The following PLXDC2 variants were observed in gnomAD, a reference collection of about 807,000 sequenced individuals.
PLXDC2 encodes plexin domain-containing protein 2.
PLXDC2 carries 40 observed loss-of-function variants against 68.9 expected under a neutral mutation model. The observed-to-expected ratio is 0.58, with a 90% confidence interval of 0.45 to 0.76. The LOEUF (loss-of-function observed/expected upper bound fraction) is 0.76. Among genes scored for constraint, PLXDC2 ranks in the 30% least tolerant of loss-of-function variants. PLXDC2 has a pLI of 0.00. For synonymous variants in PLXDC2, 243 were observed against 234.2 expected (o/e 1.04, Z -0.34); for missense variants, 644 against 661.9 (o/e 0.97, Z 0.30).
chr10:19,923,381 G>A (rs752968079), intron 1 of PLXDC2, among the ~76,000 whole-genome samples: 3 of 152,108 alleles, frequency 2.0e-5, no homozygotes, highest in South Asian at 4.1e-4. Context: ...TGAAACATAA[G>A]CACATTTAGA....
At chr10:20,235,379 A>C (rs909527676) in intron 12 of PLXDC2, among the ~76,000 whole-genome samples, 1 of 152,230 alleles carries the variant, frequency 6.6e-6, no homozygotes, top group African/African-American at 2.4e-5. Flanking sequence ...AATAATACTG[A>C]AGATCAATAT....
Position 19,819,031 on chromosome 10 carries a change from TACACAC to T in PLXDC2, c.112+1868_112+1873del, listed in dbSNP as rs63295361. On this transcript the variant is annotated intron_variant, in intron 1 of 13. Coordinates refer to ENST00000377252, the MANE Select transcript of PLXDC2 (RefSeq NM_032812.9). ...CGTTACTGAAAAAAGAATATATGTA[TACACAC>T]ACACACACACACACACACACACACA... Among the ~76,000 whole-genome samples the T allele has an allele frequency of 3.0e-3, 442 of 147,834 alleles. 3 individuals are homozygous for T. The highest frequency in any genetic ancestry group is 0.019 in the South Asian group (90 of 4,662).
intron 9 of PLXDC2, among the ~76,000 whole-genome samples, chr10:20,178,083 T>G (rs1834553368): frequency 6.6e-6 from 1 of 152,122 alleles, no homozygotes; most frequent in Non-Finnish European, 1.5e-5. Flanking sequence ...ATAGCAAGGG[T>G]GGTTTATAAT....
chr10:20,123,397 A>G (rs181358231), intron 4 of PLXDC2, among the ~76,000 whole-genome samples: 1 of 152,308 alleles, frequency 6.6e-6, no homozygotes, highest in East Asian at 1.9e-4. Flanking sequence ...CCTGGACGTC[A>G]GGCATCTCAG....
intron 1 of PLXDC2, among the ~76,000 whole-genome samples, chr10:19,863,114 C>G (rs1414105123): frequency 6.6e-6 from 1 of 152,148 alleles, no homozygotes; most frequent in Non-Finnish European, 1.5e-5. Context: ...CCACCTCACT[C>G]ATCGTTGAAT....
At chr10:20,166,112 G>A (rs937985321) in intron 7 of PLXDC2, among the ~76,000 whole-genome samples, 1 of 152,080 alleles carries the variant, frequency 6.6e-6, no homozygotes, top group East Asian at 1.9e-4. Context: ...TTCTTTGGTT[G>A]TGACTTGAGG....
intron 1 of PLXDC2, among the ~76,000 whole-genome samples, chr10:19,863,379 A>T (rs1245736812): frequency 6.6e-6 from 1 of 152,210 alleles, no homozygotes; most frequent in African/African-American, 2.4e-5. Context: ...CAGGGCTGGT[A>T]CGTTGCACAG....
At chr10:20,250,674 T>C (rs1835664640) in intron 13 of PLXDC2, among the ~76,000 whole-genome samples, 1 of 152,206 alleles carries the variant, frequency 6.6e-6, no homozygotes, top group Admixed American at 6.5e-5. Flanking sequence ...AAAGAGTTTT[T>C]CTTCATATGC....
At chr10:20,053,446 C>T (rs1477086401) in intron 3 of PLXDC2, among the ~76,000 whole-genome samples, 1 of 152,080 alleles carries the variant, frequency 6.6e-6, no homozygotes, top group Non-Finnish European at 1.5e-5. Flanking sequence ...TCACAGTTAT[C>T]TGGGTATTTT....
In PLXDC2 at chr10:20,108,564, C is replaced by T. The variant is rs546146025; in HGVS notation, c.542-34731C>T. Among the ~76,000 whole-genome samples, 45 of 152,124 alleles carry T rather than the reference C, an allele frequency of 3.0e-4. No homozygotes were observed. In the East Asian group the frequency reaches 6.4e-3, roughly 22 times the overall value. On this transcript the variant is annotated intron_variant, in intron 4 of 13. Coordinates refer to ENST00000377252, the MANE Select transcript of PLXDC2 (RefSeq NM_032812.9). Reference sequence around the variant, plus strand: ...TTAGTGGCAATTAAGAAAATCAGTGCGTGGTGGATAAGGTAAAATCATATA... The same window carrying T: ...TTAGTGGCAATTAAGAAAATCAGTGTGTGGTGGATAAGGTAAAATCATATA...
chr10:19,983,952 T>G (rs1008478308), intron 1 of PLXDC2, among the ~76,000 whole-genome samples: 25 of 152,282 alleles, frequency 1.6e-4, no homozygotes, highest in African/African-American at 5.8e-4. Flanking sequence ...TCCTGATATT[T>G]ACAATATAAA....
At chr10:20,217,132 A>G (rs1835148390) in intron 10 of PLXDC2, among the ~76,000 whole-genome samples, 1 of 152,334 alleles carries the variant, frequency 6.6e-6, no homozygotes, top group Non-Finnish European at 1.5e-5. Context: ...TTATAAATAT[A>G]CCAATGTAAA....
At chr10:19,909,743 C>T (rs1285190120) in intron 1 of PLXDC2, among the ~76,000 whole-genome samples, 1 of 152,110 alleles carries the variant, frequency 6.6e-6, no homozygotes, top group African/African-American at 2.4e-5. Flanking sequence ...AGAATAGACA[C>T]AGGTACATAG....
intron 4 of PLXDC2, among the ~76,000 whole-genome samples, chr10:20,088,730 A>G (rs988791299): frequency 2.0e-5 from 3 of 152,140 alleles, no homozygotes; most frequent in African/African-American, 7.2e-5. Flanking sequence ...TAGCTGTCTT[A>G]TCTGAAAATT....
chr10:19,991,082 A>T (rs1419198386), intron 1 of PLXDC2, among the ~76,000 whole-genome samples: 1 of 152,108 alleles, frequency 6.6e-6, no homozygotes, highest in Admixed American at 6.5e-5. Flanking sequence ...CCCCATCTCC[A>T]CTAAAAATAC....
chr10:19,848,206 G>A (rs1837048939), intron 1 of PLXDC2, among the ~76,000 whole-genome samples: 1 of 152,116 alleles, frequency 6.6e-6, no homozygotes, highest in Non-Finnish European at 1.5e-5. Context: ...ATTTCACCTA[G>A]AAGATGGCCG....
chr10:19,918,282 C>T (rs148356434), intron 1 of PLXDC2, among the ~76,000 whole-genome samples: 61 of 152,268 alleles, frequency 4.0e-4, no homozygotes, highest in African/African-American at 1.4e-3. Flanking sequence ...GGAAATTCCA[C>T]CCATTCTTTT....
chr10:19,962,491 C>T (rs1194614593), intron 1 of PLXDC2, among the ~76,000 whole-genome samples: 1 of 146,274 alleles, frequency 6.8e-6, no homozygotes, highest in African/African-American at 2.5e-5. Context: ...CGAGGTTTCA[C>T]GCCATTCTCC....
At chr10:20,252,631 A>C (rs1835693097) in intron 13 of PLXDC2, among the ~76,000 whole-genome samples, 1 of 152,214 alleles carries the variant, frequency 6.6e-6, no homozygotes, top group African/African-American at 2.4e-5. Context: ...AGGCTGGATA[A>C]GTTGACCAGT....
Sources: allele counts gnomAD v4.1 joint callset (sites outside exome capture counted in the v4.1 genomes callset), GRCh38; gene constraint gnomAD v4.1.1; transcripts MANE v1.5; gene names NCBI Gene and HGNC (gene_info 2026-07-23, HGNC 2026-07-21).